Variants in FAM107B observed in about 807,000 individuals in gnomAD.
The protein encoded by FAM107B is family with sequence similarity 107 member B, also known as protein FAM107B.
A neutral mutation model predicts 31.5 loss-of-function variants in FAM107B; 21 were observed. That is an observed-to-expected ratio of 0.67 (90% CI 0.47 to 0.96). The LOEUF (loss-of-function observed/expected upper bound fraction) is 0.96. Ranked by LOEUF, FAM107B falls within the 40% of genes least tolerant of loss-of-function variation. The probability of loss-of-function intolerance (pLI) is 0.00; values close to 1 mark genes in which losing one functional copy is unlikely to be tolerated. For synonymous variants in FAM107B, 157 were observed against 141.5 expected, an observed-to-expected ratio of 1.11 and a Z score of -0.78; for missense variants, 452 against 377.1, an observed-to-expected ratio of 1.20 and a Z score of -1.64.
At chr10:14,618,558 C>T (rs1252640801) in intron 2 of FAM107B, among the ~76,000 whole-genome samples, 5 of 152,144 alleles carry the variant, frequency 3.3e-5, no homozygotes, top group Admixed American at 6.5e-5. Context: ...CATTACGGGC[C>T]GGGCTTGGTG....
At chr10:14,598,406 G>C (rs7910700) in intron 2 of FAM107B, among the ~76,000 whole-genome samples, 146,515 of 152,292 alleles carry the variant, frequency 0.96, 70,734 homozygotes, top group East Asian at 1. Context: ...CCACAAGCAC[G>C]AGCATGCATG....
At chr10:14,671,192 T>A (rs1342260793) in intron 1 of FAM107B, among the ~76,000 whole-genome samples, 1 of 152,234 alleles carries the variant, frequency 6.6e-6, no homozygotes, top group Non-Finnish European at 1.5e-5. Flanking sequence ...CCCATCAGTC[T>A]GCTGCATTTC....
intron 1 of FAM107B, among the ~76,000 whole-genome samples, chr10:14,692,700 T>C (rs1410077): frequency 0.068 from 10,387 of 152,256 alleles, 472 homozygotes; most frequent in East Asian, 0.24. Context: ...CACTCTTCCT[T>C]TGCTGTATGC....
At chr10:14,580,422 G>GGCTAATAT (rs1317594280) in intron 2 of FAM107B, among the ~76,000 whole-genome samples, 41 of 152,152 alleles carry the variant, frequency 2.7e-4, no homozygotes, top group African/African-American at 9.9e-4. Flanking sequence ...TACACACAAG[G>GGCTAATAT]GCTAATATAA....
intron 1 of FAM107B, among the ~76,000 whole-genome samples, chr10:14,757,116 A>G (rs1386633076): frequency 2.0e-5 from 3 of 152,188 alleles, no homozygotes; most frequent in Admixed American, 1.3e-4. Flanking sequence ...ACAAGTTTAC[A>G]TATGTAACAC....
chr10:14,628,853 C>G (rs1853245395), intron 2 of FAM107B, among the ~76,000 whole-genome samples: 3 of 151,980 alleles, frequency 2.0e-5, no homozygotes, highest in Non-Finnish European at 1.5e-5. Context: ...GGCAATACAG[C>G]AAGACCCCAT....
chr10:14,590,488 T>C (rs1294924280), intron 2 of FAM107B, among the ~76,000 whole-genome samples: 1 of 152,264 alleles, frequency 6.6e-6, no homozygotes, highest in Admixed American at 6.5e-5. Context: ...CCTTCAAGTA[T>C]GGAAGTTGTC....
rs1233849673 is a variant in FAM107B, at chr10:14,699,029, G to A, written c.412-31338C>T. On this transcript the variant is annotated intron_variant, in intron 1 of 4. Coordinates refer to ENST00000181796, the MANE Select transcript of FAM107B (RefSeq NM_031453.4). ...ACAGGTCTGAGTTGGAGCATGGAGA[G>A]TGGGTACCCTGCGAGCAGGCAGAGG... Among the ~76,000 whole-genome samples the A allele has an allele frequency of 2.6e-5, 4 of 151,402 alleles. No homozygotes were observed. The South Asian group carries it at 6.3e-4, about 24-fold the overall frequency.
At chr10:14,556,356 G>C in intron 2 of FAM107B, 1 of 985,408 alleles carries the variant, frequency 1.0e-6, no homozygotes, top group Non-Finnish European at 1.2e-6. Flanking sequence ...ATCTAGAAAT[G>C]CTGACCTCAG....
chr10:14,731,835 G>A (rs1371760540), intron 1 of FAM107B, among the ~76,000 whole-genome samples: 1 of 152,176 alleles, frequency 6.6e-6, no homozygotes, highest in East Asian at 1.9e-4. Context: ...TCCAGCCCAG[G>A]TGTGCAGTGG....
chr10:14,580,538 C>T (rs1173557157), intron 2 of FAM107B, among the ~76,000 whole-genome samples: 1 of 152,066 alleles, frequency 6.6e-6, no homozygotes, highest in African/African-American at 2.4e-5. Flanking sequence ...AAGTATCCAT[C>T]TTCTCAAGGA....
At chr10:14,546,887 C>T (rs1848744368) in intron 2 of FAM107B, among the ~76,000 whole-genome samples, 1 of 152,166 alleles carries the variant, frequency 6.6e-6, no homozygotes, top group Non-Finnish European at 1.5e-5. Flanking sequence ...ATTACTACCA[C>T]AAAAATAACC....
chr10:14,663,447 C>T (rs1854304377), intron 2 of FAM107B: 1 of 152,278 alleles, frequency 6.6e-6, no homozygotes, highest in Admixed American at 6.5e-5. Context: ...TGCTTAGCTT[C>T]CGAGATCTGA....
intron 1 of FAM107B, 52 bp from the exon 2 acceptor site, chr10:14,667,743 A>G: frequency 1.3e-6 from 2 of 1,586,998 alleles, no homozygotes. Context: ...AAAAATATGC[A>G]TTAATGTAAG....
At chr10:14,732,768 CATAAT>C (rs997703379) in intron 1 of FAM107B, among the ~76,000 whole-genome samples, 21 of 147,302 alleles carry the variant, frequency 1.4e-4, no homozygotes, top group African/African-American at 5.2e-4. Context: ...AAACATATAA[CATAAT>C]ATATTCTATA....
At chr10:14,540,622 C>T (rs1295724003) in intron 2 of FAM107B, among the ~76,000 whole-genome samples, 2 of 152,344 alleles carry the variant, frequency 1.3e-5, no homozygotes, top group East Asian at 3.9e-4. Flanking sequence ...AGGCAGAGGG[C>T]CACAGCCCTG....
At chr10:14,691,063 C>T (rs73586408) in intron 1 of FAM107B, among the ~76,000 whole-genome samples, 8,782 of 151,744 alleles carry the variant, frequency 0.058, 376 homozygotes, top group East Asian at 0.24. Flanking sequence ...GAGACATGGG[C>T]TAGCTTCCGT....
At chr10:14,573,519 G>C (rs1047557871) in intron 2 of FAM107B, among the ~76,000 whole-genome samples, 1 of 147,732 alleles carries the variant, frequency 6.8e-6, no homozygotes, top group Non-Finnish European at 1.5e-5. Flanking sequence ...TTGAGGTCAG[G>C]AGCTCAAGAT....
chr10:14,568,398 A>ATACTGGAGAAGG (rs1850868730), intron 2 of FAM107B, among the ~76,000 whole-genome samples: 2 of 39,802 alleles, frequency 5.0e-5, no homozygotes, highest in African/African-American at 2.1e-4. Context: ...ACTGGAGGAG[A>ATACTGGAGAAGG]AGGCTGGCTG....
Sources: allele counts gnomAD v4.1 joint callset (sites outside exome capture counted in the v4.1 genomes callset), GRCh38; gene constraint gnomAD v4.1.1; transcripts MANE v1.5; gene names NCBI Gene and HGNC (gene_info 2026-07-23, HGNC 2026-07-21).